Variants in CADM2 observed in about 807,000 individuals in gnomAD.
CADM2 encodes the protein immunoglobulin superfamily member 4D.
CADM2 carries 12 observed loss-of-function variants against 49.8 expected under a neutral mutation model. The ratio of observed to expected loss-of-function variants is 0.24; its 90% CI spans 0.15 to 0.39. The LOEUF is 0.39. Ranked by LOEUF, CADM2 falls within the 10% of genes least tolerant of loss-of-function variation. CADM2 has a pLI of 1.00. For synonymous variants in CADM2, 214 were observed against 175.4 expected (o/e 1.22, Z -1.74); for missense variants, 378 against 492.3 (o/e 0.77, Z 2.20).
chr3:85,436,355 A>G (rs2036930579), intron 1 of CADM2, among the ~76,000 whole-genome samples: 1 of 152,132 alleles, frequency 6.6e-6, no homozygotes, highest in African/African-American at 2.4e-5. Context: ...ATATACGATC[A>G]TGTCATCTGC....
chr3:85,555,813 T>A (rs67584463), intron 1 of CADM2, among the ~76,000 whole-genome samples: 90,317 of 151,888 alleles, frequency 0.59, 28,341 homozygotes, highest in East Asian at 0.93. Context: ...ATAAACTCAT[T>A]TAAATTACAC....
chr3:85,340,719 G>A (rs949760757), intron 1 of CADM2, among the ~76,000 whole-genome samples: 3 of 151,444 alleles, frequency 2.0e-5, no homozygotes, highest in Non-Finnish European at 4.4e-5. Flanking sequence ...TAAAAGAATT[G>A]CTGGCAGCAT....
chr3:85,403,887 T>C (rs139042706), intron 1 of CADM2, among the ~76,000 whole-genome samples: 253 of 152,098 alleles, frequency 1.7e-3, no homozygotes, highest in Non-Finnish European at 2.7e-3. Flanking sequence ...TTAAAGAAAA[T>C]CAGAAGTATT....
chr3:85,187,216 TG>T (rs1180751570), intron 1 of CADM2, among the ~76,000 whole-genome samples: 1 of 152,148 alleles, frequency 6.6e-6, no homozygotes, highest in Non-Finnish European at 1.5e-5. Flanking sequence ...ACAGTGCAAT[TG>T]CATGGTTTTG....
chr3:85,765,551 G>A (rs1229491427), intron 2 of CADM2, among the ~76,000 whole-genome samples: 1 of 151,840 alleles, frequency 6.6e-6, no homozygotes, highest in African/African-American at 2.4e-5. Flanking sequence ...CCTATTTCCT[G>A]GGAGCTTTTC....
At chr3:85,467,495 G>A (rs945636627) in intron 1 of CADM2, among the ~76,000 whole-genome samples, 2 of 151,992 alleles carry the variant, frequency 1.3e-5, no homozygotes, top group Admixed American at 1.3e-4. Context: ...GGATGTTTAT[G>A]TCAAATTTAC....
At chr3:85,308,271 T>C (rs967849266) in intron 1 of CADM2, among the ~76,000 whole-genome samples, 1 of 150,704 alleles carries the variant, frequency 6.6e-6, no homozygotes, top group Non-Finnish European at 1.5e-5. Context: ...TCAAGTTTTT[T>C]TTTATTTATT....
intron 1 of CADM2, among the ~76,000 whole-genome samples, chr3:85,591,513 T>A (rs2063107295): frequency 6.6e-6 from 1 of 151,956 alleles, no homozygotes; most frequent in Admixed American, 6.6e-5. Flanking sequence ...TATACGGAAA[T>A]TTCACCACCA....
intron 8 of CADM2, chr3:86,013,973 T>C (rs1731874066): frequency 1.3e-6 from 2 of 1,510,302 alleles, no homozygotes; most frequent in African/African-American, 2.8e-5. Flanking sequence ...TGGGAGTATC[T>C]GTTGCATTAG....
chr3:85,575,541 A>AC (rs2062606955), intron 1 of CADM2, among the ~76,000 whole-genome samples: 1 of 152,208 alleles, frequency 6.6e-6, no homozygotes, highest in African/African-American at 2.4e-5. Context: ...ACAGAGCGAG[A>AC]CTCCGTCTCA....
At chr3:85,739,224 A>G (rs912523375) in intron 2 of CADM2, among the ~76,000 whole-genome samples, 1 of 152,104 alleles carries the variant, frequency 6.6e-6, no homozygotes, top group African/African-American at 2.4e-5. Context: ...ATCTTGACAG[A>G]ATAGAGTCAT....
intron 1 of CADM2, among the ~76,000 whole-genome samples, chr3:85,188,838 T>C (rs2041131139): frequency 6.6e-6 from 1 of 151,924 alleles, no homozygotes; most frequent in South Asian, 2.1e-4. Context: ...GAGACCATCC[T>C]GGCTAACACG....
intron 1 of CADM2, among the ~76,000 whole-genome samples, chr3:85,046,320 CTT>C (rs924286569): frequency 2.7e-4 from 33 of 122,798 alleles, no homozygotes; most frequent in Admixed American, 4.2e-4. Context: ...TTACAATTTT[CTT>C]TTTTTTTTTT....
At chr3:85,186,901 A>G (rs1465370595) in intron 1 of CADM2, among the ~76,000 whole-genome samples, 1 of 152,180 alleles carries the variant, frequency 6.6e-6, no homozygotes, top group Non-Finnish European at 1.5e-5. Flanking sequence ...CTTTGCTTTA[A>G]TATGCTTTGA....
rs543911731 is a variant in CADM2 at position 85,820,866 on chromosome 3, AG to A, written c.238+18675del. 3.9e-5 allele frequency among the ~76,000 whole-genome samples: 6 copies of A among 152,240 alleles called. No homozygotes were observed. The East Asian group carries it at 1.2e-3, about 29-fold the overall frequency. On this transcript the variant is annotated intron_variant, in intron 3 of 9. Coordinates refer to ENST00000383699, the MANE Select transcript of CADM2 (RefSeq NM_001167675.2). ...TCAGTAACCACAGGTTAAGGAGGTG[AG>A]GGGGAGACAGCACTTGAATCATGAA...
At chr3:85,372,347 AT>A (rs2033297903) in intron 1 of CADM2, among the ~76,000 whole-genome samples, 1 of 150,904 alleles carries the variant, frequency 6.6e-6, no homozygotes, top group Non-Finnish European at 1.5e-5. Context: ...TTATATATAT[AT>A]ATATGTGTGT....
chr3:85,877,280 G>A (rs1712014583), intron 3 of CADM2, among the ~76,000 whole-genome samples: 1 of 151,770 alleles, frequency 6.6e-6, no homozygotes, highest in Non-Finnish European at 1.5e-5. Flanking sequence ...TTCATTCCTA[G>A]TTTAATGTTT....
At chr3:85,671,246 T>C (rs959545072) in intron 1 of CADM2, among the ~76,000 whole-genome samples, 1 of 152,222 alleles carries the variant, frequency 6.6e-6, no homozygotes, top group Non-Finnish European at 1.5e-5. Context: ...CTCTGTAGCT[T>C]ACAATCACAG....
intron 3 of CADM2, among the ~76,000 whole-genome samples, chr3:85,834,999 C>T (rs1200739894): frequency 5.3e-5 from 8 of 151,604 alleles, no homozygotes; most frequent in Admixed American, 5.3e-4. Flanking sequence ...TGTGCTTGCA[C>T]ACGCATGTGT....
Sources: gnomAD v4.1 joint callset for allele counts (sites outside exome capture counted in the v4.1 genomes callset) on GRCh38, gnomAD v4.1.1 for gene constraint, MANE v1.5 for transcripts, NCBI Gene and HGNC (gene_info 2026-07-23, HGNC 2026-07-21) for gene names.